IL15RA: variants seen among roughly 807,000 people sequenced by gnomAD.
IL15RA encodes the protein interleukin 15 receptor subunit alpha, also known as interleukin-15 receptor subunit alpha.
IL15RA carries 26 observed loss-of-function variants against 24.2 expected under a neutral mutation model. That is an observed-to-expected ratio of 1.07 (90% CI 0.79 to 1.49). The LOEUF (loss-of-function observed/expected upper bound fraction) is 1.49. Ranked by LOEUF, IL15RA falls within the 40% of genes most tolerant of loss-of-function variation. The probability of loss-of-function intolerance (pLI) is 0.00; values close to 1 mark genes in which losing one functional copy is unlikely to be tolerated. For missense variants in IL15RA, 354 were observed against 356.4 expected (o/e 0.99, Z 0.05); for synonymous variants, 166 against 157.6 (o/e 1.05, Z -0.40).
downstream of IL15RA, among the ~76,000 whole-genome samples, chr10:5,951,564 G>A (rs530212337): frequency 6.6e-6 from 1 of 152,284 alleles, no homozygotes; most frequent in South Asian, 2.1e-4. Context: ...CGTGGCTCAC[G>A]CCTGTAATCC....
chr10:5,960,451 T>C lies in IL15RA; in HGVS notation c.499A>G (p.Ser167Gly). The change falls in exon 4 of 7, where the codon AGT becomes GGT. Residue 167 changes from serine to glycine, a missense_variant. By Grantham distance (56) the Ser-to-Gly change is moderately conservative (BLOSUM62 0). Coordinates refer to ENST00000379977, the MANE Select transcript of IL15RA (RefSeq NM_002189.4). The surrounding 1 kb of genome is among the most constrained non-coding windows in gnomAD (Gnocchi z 5.1). ...GGGGTGCCGTGGGAGGACTCATGAC[T>C]GCTTATCTCTGTGGTTCCTGTGGAA... ...SPSTGTTEISSHESSHGTPSQ... is the reference protein window; with the variant it reads ...SPSTGTTEISGHESSHGTPSQ... 6.2e-7 allele frequency: 1 copy of C among 1,614,108 alleles called. No individual in the cohort carries two copies. Among genetic ancestry groups the C allele is most frequent in the Non-Finnish European group, 8.5e-7 (1 of 1,179,992 alleles).
chr10:5,977,132 C>T (rs1838580299), intron 1 of IL15RA: 1 of 315,984 alleles, frequency 3.2e-6, no homozygotes, highest in Non-Finnish European at 5.8e-6. Flanking sequence ...TGCTCCTGAC[C>T]TCGGCCTCGG....
chr10:5,961,211 T>A lies in IL15RA; in HGVS notation c.383-644A>T, dbSNP rs1283180603. 6.6e-6 allele frequency among the ~76,000 whole-genome samples: 1 copy of A among 152,058 alleles called. No homozygotes were observed. The highest frequency in any genetic ancestry group is 1.5e-5 in the Non-Finnish European group (1 of 67,998). ...ATTACGGGCGAGAGCCACTGTGCCC[T>A]GCCGCAAGACCCTGTTTCTACAAAA... On this transcript the variant is annotated intron_variant, in intron 3 of 6. Transcript: ENST00000379977. This position sits in a 1 kb window ranked among gnomAD's most constrained non-coding sequence, Gnocchi z 5.2.
At chr10:5,957,422 G>C (rs1044554289) in intron 5 of IL15RA, among the ~76,000 whole-genome samples, 1 of 150,472 alleles carries the variant, frequency 6.6e-6, no homozygotes, top group East Asian at 2.0e-4. Context: ...ACTACAGGCA[G>C]GTGCCACCAT....
Position 5,963,354 on chromosome 10 carries a change from C to T in IL15RA, c.382+389G>A, listed in dbSNP as rs8177691. On this transcript the variant is annotated intron_variant, in intron 3 of 6. Coordinates refer to ENST00000379977, the MANE Select transcript of IL15RA (RefSeq NM_002189.4). This position sits in a 1 kb window ranked among gnomAD's most constrained non-coding sequence, Gnocchi z 5.3. ...ATTGATGTAAACATGCTGAAGCTCC[C>T]GCTGCCTGCTGGCCTCCCATCCTGG... 2.8e-3 allele frequency among the ~76,000 whole-genome samples: 429 copies of T among 152,298 alleles called. 2 individuals are homozygous for T. The highest frequency in any genetic ancestry group is 9.6e-3 in the African/African-American group (399 of 41,562).
At position 5,962,592 on chromosome 10, in the gene IL15RA, A is replaced by C. The variant is rs971905317; in HGVS notation, c.382+1151T>G. Among the ~76,000 whole-genome samples the C allele has an allele frequency of 3.0e-5, 2 of 66,824 alleles. No homozygotes were observed. Among genetic ancestry groups the C allele is most frequent in the Admixed American group, 2.8e-4 (2 of 7,234 alleles). The allele number at this position is 66,824 out of a possible 152,430, so 43.8% of individuals were successfully genotyped here. Reference sequence around the variant, plus strand: ...GGGCAATAGAGCAAGACCCCATCTCAAAAAAAAAAAAAAAAAAGATCCACC... The same window carrying C: ...GGGCAATAGAGCAAGACCCCATCTCCAAAAAAAAAAAAAAAAAGATCCACC... On this transcript the variant is annotated intron_variant, in intron 3 of 6. Transcript: ENST00000379977. This position sits in a 1 kb window ranked among gnomAD's most constrained non-coding sequence, Gnocchi z 5.2.
Position 5,975,107 on chromosome 10 carries a change from T to G in IL15RA, c.88+2298A>C, listed in dbSNP as rs1838214165. On this transcript the variant is annotated intron_variant, in intron 1 of 6. Transcript: ENST00000379977. The surrounding 1 kb of genome is among the most constrained non-coding windows in gnomAD (Gnocchi z 4.8). ...TCTACCCATGAGAAATGAAAACATG[T>G]GTCCATACAGAAACCTGTATGTCAG... Among the ~76,000 whole-genome samples, 1 of 152,090 alleles carries G rather than the reference T, an allele frequency of 6.6e-6. No individual in the cohort carries two copies.
At chr10:5,977,670 TC>T (rs1838679201), upstream of IL15RA, 1 of 1,239,838 alleles carries the variant, frequency 8.1e-7, no homozygotes. Flanking sequence ...TGACTCAGCG[TC>T]CCCACCCCTG....
Position 5,959,839 on chromosome 10 carries a change from C to T in IL15RA, c.584-53G>A. The T allele has an allele frequency of 6.3e-7, 1 of 1,578,564 alleles. No homozygotes were observed. Among genetic ancestry groups the T allele is most frequent in the Non-Finnish European group, 8.7e-7 (1 of 1,149,254 alleles). ...GCTCGAGTCCTAGAGGTCCTAGTTCCTCATGAAGCAGGAGAAAATCTGCAT... is the reference window on the plus strand; with the variant it reads ...GCTCGAGTCCTAGAGGTCCTAGTTCTTCATGAAGCAGGAGAAAATCTGCAT... On this transcript the variant is annotated intron_variant, in intron 4 of 6. Transcript: ENST00000379977. The surrounding 1 kb of genome is among the most constrained non-coding windows in gnomAD (Gnocchi z 4.1).
Position 5,964,874 on chromosome 10 carries a change from C to T in IL15RA, c.284-1033G>A, listed in dbSNP as rs149520128. ...CTTTCCCATTCACTCACTGATGCCA[C>T]GGGGTGCTGTGTCCCCAGCGAGTGA... On this transcript the variant is annotated intron_variant, in intron 2 of 6. Coordinates refer to ENST00000379977, the MANE Select transcript of IL15RA (RefSeq NM_002189.4). This position sits in a 1 kb window ranked among gnomAD's most constrained non-coding sequence, Gnocchi z 5.6. 1.3e-4 allele frequency among the ~76,000 whole-genome samples: 20 copies of T among 152,358 alleles called. No homozygotes were observed. The East Asian group carries it at 3.5e-3, about 26-fold the overall frequency.
At position 5,959,789 on chromosome 10, in the gene IL15RA, G is replaced by A. The variant is rs1009723360; in HGVS notation, c.584-3C>T. 1 of 1,613,902 alleles carries A rather than the reference G, an allele frequency of 6.2e-7. No homozygotes were observed. Among genetic ancestry groups the A allele is most frequent in the African/African-American group, 1.3e-5 (1 of 75,038 alleles). ...GCTGTGGCCCTGTGGATACACACCTGCGGAAAAGAGAGGACAGCATCACGG... is the reference window on the plus strand; with the variant it reads ...GCTGTGGCCCTGTGGATACACACCTACGGAAAAGAGAGGACAGCATCACGG... On this transcript the variant is annotated splice_polypyrimidine_tract_variant and splice_region_variant and intron_variant, in intron 4 of 6. Transcript: ENST00000379977. The surrounding 1 kb of genome is among the most constrained non-coding windows in gnomAD (Gnocchi z 4.1).
intron 1 of IL15RA, among the ~76,000 whole-genome samples, chr10:5,974,912 A>G (rs905135898): frequency 2.0e-5 from 3 of 151,746 alleles, no homozygotes; most frequent in Non-Finnish European, 4.4e-5. Flanking sequence ...AAAATTAAAA[A>G]TAAATAAATA....
chr10:5,957,019 G>A lies in IL15RA; in HGVS notation c.617-565C>T, dbSNP rs538847339. On this transcript the variant is annotated intron_variant, in intron 5 of 6. Transcript: ENST00000379977. ...CTGTCACCTAGACTGGAGTGCAGAGGCACTATCTCGGCTCATTGCAACCTC... is the reference window on the plus strand; with the variant it reads ...CTGTCACCTAGACTGGAGTGCAGAGACACTATCTCGGCTCATTGCAACCTC... 5.7e-4 allele frequency among the ~76,000 whole-genome samples: 86 copies of A among 149,670 alleles called. No individual in the cohort carries two copies. The South Asian group carries it at 7.6e-3, about 13-fold the overall frequency.
intron 5 of IL15RA, among the ~76,000 whole-genome samples, chr10:5,957,572 C>A (rs374239864): frequency 1.3e-4 from 19 of 150,686 alleles, no homozygotes; most frequent in African/African-American, 4.6e-4. Flanking sequence ...CCACGCCTGG[C>A]CAACTTTTTC....
chr10:5,977,331 C>T (rs1838618339), intron 1 of IL15RA, 74 bp downstream of exon 1: 6 of 707,924 alleles, frequency 8.5e-6, no homozygotes, highest in Admixed American at 4.4e-5. Flanking sequence ...AGATGGGGCG[C>T]CCGGTTCCCT....
At chr10:5,969,342 A>AAATTT (rs1564514628) in intron 1 of IL15RA, among the ~76,000 whole-genome samples, 1 of 135,852 alleles carries the variant, frequency 7.4e-6, no homozygotes, top group African/African-American at 2.7e-5. Context: ...TAAAATTTTT[A>AAATTT]AATTAAATTT....
At chr10:5,976,898 C>G (rs931771750) in intron 1 of IL15RA, 2 of 152,888 alleles carry the variant, frequency 1.3e-5, no homozygotes, top group East Asian at 3.9e-4. Context: ...CGCGTTTCCC[C>G]CTGGGACACA....
chr10:5,957,609 C>G (rs921171660), intron 5 of IL15RA, among the ~76,000 whole-genome samples: 3 of 70,460 alleles, frequency 4.3e-5, no homozygotes, highest in South Asian at 8.1e-4. Context: ...TTTTTTTTTT[C>G]TGCGACGGAA....
chr10:5,960,850 G>T lies in IL15RA; in HGVS notation c.383-283C>A, dbSNP rs1208966368. On this transcript the variant is annotated intron_variant, in intron 3 of 6. Coordinates refer to ENST00000379977, the MANE Select transcript of IL15RA (RefSeq NM_002189.4). The surrounding 1 kb of genome is among the most constrained non-coding windows in gnomAD (Gnocchi z 5.1). ...TAATCCCAACACTTTGGGAGGCTGA[G>T]GTGTGAGGATCACTTGAGCCCAGGA... Among the ~76,000 whole-genome samples, 1 of 152,186 alleles carries T rather than the reference G, an allele frequency of 6.6e-6. No individual in the cohort carries two copies. The highest frequency in any genetic ancestry group is 1.5e-5 in the Non-Finnish European group (1 of 68,038).
Sources: allele counts gnomAD v4.1 joint callset (sites outside exome capture counted in the v4.1 genomes callset), GRCh38; gene constraint gnomAD v4.1.1; non-coding constraint Gnocchi (gnomAD v3.1); transcripts MANE v1.5; gene names NCBI Gene and HGNC (gene_info 2026-07-23, HGNC 2026-07-21).